The following OR2T11 variants were observed in gnomAD, a reference collection of about 807,000 sequenced individuals.
The protein encoded by OR2T11 is olfactory receptor family 2 subfamily T member 11.
In OR2T11, 14 loss-of-function variants were observed where a neutral mutation model predicts 13.5. That is an observed-to-expected ratio of 1.04 (90% CI 0.69 to 1.62). The LOEUF (loss-of-function observed/expected upper bound fraction) is 1.62. Ranked by LOEUF, OR2T11 falls within the 40% of genes most tolerant of loss-of-function variation. The probability of loss-of-function intolerance (pLI) is 0.00; values close to 1 mark genes in which losing one functional copy is unlikely to be tolerated. For missense variants in OR2T11, 410 were observed against 389.7 expected, an observed-to-expected ratio of 1.05 and a Z score of -0.44; for synonymous variants, 163 against 154.6, an observed-to-expected ratio of 1.05 and a Z score of -0.40.
chr1:248,624,658 A>G lies in OR2T11; in HGVS notation c.*1520T>C, dbSNP rs568045125. The stretch of plus-strand genomic sequence containing the variant: ...AAATGCTCTTCGTACTCTGATTATT[A>G]AATGTATGCTTTATGTTCAGAACTC... On this transcript the variant is annotated 3_prime_UTR_variant, in exon 2 of 2. Coordinates refer to ENST00000641193, the MANE Select transcript of OR2T11 (RefSeq NM_001001964.2). The G allele has an allele frequency of 5.5e-5, 8 of 144,408 alleles. 1 individual carries two copies. Among genetic ancestry groups the G allele is most frequent in the Middle Eastern group, 3.4e-3 (1 of 292 alleles). The allele number at this position is 144,408 out of a possible 1,614,324, so 8.9% of individuals were successfully genotyped here. A position where few individuals can be genotyped will look rare whatever the true frequency, so the allele number is the denominator to read the frequency against.
At chr1:248,630,212 C>T (rs1336474907) in intron 1 of OR2T11, among the ~76,000 whole-genome samples, 4 of 142,258 alleles carry the variant, frequency 2.8e-5, no homozygotes, top group Non-Finnish European at 6.0e-5. Context: ...ATGCTAGGCA[C>T]TTGTGTTTAT....
Position 248,626,642 on chromosome 1 carries a change from C to G in OR2T11, c.487G>C (p.Val163Leu). 4 of 1,572,932 alleles carry G rather than the reference C, an allele frequency of 2.5e-6. 1 individual carries two copies. Among genetic ancestry groups the G allele is most frequent in the Non-Finnish European group, 3.5e-6 (4 of 1,156,392 alleles). Residue 163 changes from valine to leucine, a missense_variant, in exon 2 of 2, where the codon GTC (valine) becomes CTC (leucine). Transcript: ENST00000641193. ...ATACTTCGGGAGCCACAGTAAGGGA[C>G]ATTCATGGTGATGGGAGTGAGCAGA... ...GFLLTPITMN[V>L]PYCGSRSINH...
rs1660481995 is a variant in OR2T11, at chr1:248,624,211, T to C, written c.*1967A>G. 1 of 143,290 alleles carries C rather than the reference T, an allele frequency of 7.0e-6. No individual in the cohort carries two copies. The highest frequency in any genetic ancestry group is 1.5e-5 in the Non-Finnish European group (1 of 66,316). The allele number at this position is 143,290 out of a possible 1,614,324, so 8.9% of individuals were successfully genotyped here. On this transcript the variant is annotated 3_prime_UTR_variant, in exon 2 of 2. Coordinates refer to ENST00000641193, the MANE Select transcript of OR2T11 (RefSeq NM_001001964.2). The stretch of plus-strand genomic sequence containing the variant: ...CGATTTTCTTTTTGTACTGAATTAT[T>C]CCTTTGAACTTCATACTCAATATCA...
chr1:248,626,061 T>G lies in OR2T11; in HGVS notation c.*117A>C. 1.6e-6 allele frequency: 1 copy of G among 614,420 alleles called. No homozygotes were observed. The highest frequency in any genetic ancestry group is 2.9e-6 in the Non-Finnish European group (1 of 346,740). 38.1% of individuals were successfully genotyped at this position (614,420 alleles called of 1,614,324 possible). A position where few individuals can be genotyped will look rare whatever the true frequency, so the allele number is the denominator to read the frequency against. On this transcript the variant is annotated 3_prime_UTR_variant, in exon 2 of 2. Transcript: ENST00000641193. ...CCGAGGAGCAAGAATCCAGACAGGGTGAATCATCTTAACTGCCAGTAGTAA... is the reference window on the plus strand; with the variant it reads ...CCGAGGAGCAAGAATCCAGACAGGGGGAATCATCTTAACTGCCAGTAGTAA...
intron 1 of OR2T11, among the ~76,000 whole-genome samples, 184 bp downstream of exon 1, chr1:248,634,854 C>T (rs1169598511): frequency 1.4e-5 from 2 of 144,260 alleles, no homozygotes; most frequent in African/African-American, 5.4e-5. Context: ...ATCTAATTAT[C>T]TTCAGTTTCT....
intron 1 of OR2T11, among the ~76,000 whole-genome samples, chr1:248,631,581 T>TA (rs1455896591): frequency 1.4e-5 from 2 of 143,458 alleles, no homozygotes; most frequent in Non-Finnish European, 3.0e-5. Context: ...TAAAAGGCCA[T>TA]AAACACACCC....
rs1232436960 is a variant in OR2T11 at position 248,630,391 on chromosome 1, AATACTT to A, written c.-144-3125_-144-3120del. On this transcript the variant is annotated intron_variant, in intron 1 of 1. Coordinates refer to ENST00000641193, the MANE Select transcript of OR2T11 (RefSeq NM_001001964.2). ...TTGAGACAATTACGCTCTGGTTTAAAATACTTATAGAGTAATTAAGATGTCAGCATA... is the reference window on the plus strand; with the variant it reads ...TTGAGACAATTACGCTCTGGTTTAAAATAGAGTAATTAAGATGTCAGCATA... Among the ~76,000 whole-genome samples, 3 of 12,234 alleles carry A rather than the reference AATACTT, an allele frequency of 2.5e-4. 1 individual carries two copies. Among genetic ancestry groups the A allele is most frequent in the Non-Finnish European group, 9.2e-4 (1 of 1,084 alleles). The allele number at this position is 12,234 out of a possible 152,430, so 8.0% of individuals were successfully genotyped here.
At position 248,627,215 on chromosome 1, in the gene OR2T11, C is replaced by CTGCAGTA. The variant is rs1428129906; in HGVS notation, c.-94_-88dup. The CTGCAGTA allele has an allele frequency of 1.3e-6, 1 of 780,020 alleles. No individual in the cohort carries two copies. The allele number at this position is 780,020 out of a possible 1,614,324, so 48.3% of individuals were successfully genotyped here. A position where few individuals can be genotyped will look rare whatever the true frequency, so the allele number is the denominator to read the frequency against. On this transcript the variant is annotated 5_prime_UTR_variant, in exon 2 of 2. Coordinates refer to ENST00000641193, the MANE Select transcript of OR2T11 (RefSeq NM_001001964.2). Reference sequence around the variant, plus strand: ...AGAACACGGTCAAGATGGGAAAGGTCTGCAGTAGAGGTGACACTTCTGAGG... The same window carrying CTGCAGTA: ...AGAACACGGTCAAGATGGGAAAGGTCTGCAGTATGCAGTAGAGGTGACACTTCTGAGG...
chr1:248,630,412 A>G (rs1660592689), intron 1 of OR2T11, among the ~76,000 whole-genome samples: 1 of 70,302 alleles, frequency 1.4e-5, no homozygotes, highest in Non-Finnish European at 2.8e-5. Context: ...AGTAATTAAG[A>G]TGTCAGCATA....
In OR2T11 at chr1:248,626,076, G is replaced by A; in HGVS notation, c.*102C>T. ...CCAGACAGGGTGAATCATCTTAACT[G>A]CCAGTAGTAAGTGTAGGTTGATAGC... On this transcript the variant is annotated 3_prime_UTR_variant, in exon 2 of 2. Transcript: ENST00000641193. 2 of 662,090 alleles carry A rather than the reference G, an allele frequency of 3.0e-6. No homozygotes were observed. Among genetic ancestry groups the A allele is most frequent in the Non-Finnish European group, 2.6e-6 (1 of 379,530 alleles). 41.0% of individuals were successfully genotyped at this position (662,090 alleles called of 1,614,324 possible).
intron 1 of OR2T11, among the ~76,000 whole-genome samples, chr1:248,632,048 GAT>G (rs1660622140): frequency 7.0e-6 from 1 of 143,714 alleles, no homozygotes; most frequent in Non-Finnish European, 1.5e-5. Context: ...TAAGGTAATG[GAT>G]ATCTCAATTA....
chr1:248,634,487 G>T (rs563852240), intron 1 of OR2T11, among the ~76,000 whole-genome samples: 2 of 143,036 alleles, frequency 1.4e-5, no homozygotes, highest in Non-Finnish European at 3.0e-5. Context: ...ACATGGTCAC[G>T]GGAGTCACCC....
chr1:248,634,941 T>A (rs1345193372), intron 1 of OR2T11, 97 bp downstream of exon 1: 2 of 144,546 alleles, frequency 1.4e-5, no homozygotes, highest in Admixed American at 1.4e-4. Flanking sequence ...AAGTAGACTT[T>A]ATGCTTTCTT....
Position 248,626,868 on chromosome 1 carries a change from C to T in OR2T11, c.261G>A (p.Lys87=), listed in dbSNP as rs536701146. The T allele has an allele frequency of 1.3e-6, 2 of 1,571,278 alleles. No homozygotes were observed. Among genetic ancestry groups the T allele is most frequent in the Middle Eastern group, 1.7e-4 (1 of 5,974 alleles). ...TGCCACAGGCCACAAAGGAAATGAT[C>T]TTCTCTTTAGAAACCATGTCTGCCA... ...KLLADMVSKE[K]IISFVACGIQ... Residue 87 remains lysine, a synonymous_variant, in exon 2 of 2, where the codon AAG becomes AAA. Coordinates refer to ENST00000641193, the MANE Select transcript of OR2T11 (RefSeq NM_001001964.2).
chr1:248,631,423 G>T lies in OR2T11; in HGVS notation c.-145+3615C>A, dbSNP rs1660613189. Among the ~76,000 whole-genome samples, 2 of 142,928 alleles carry T rather than the reference G, an allele frequency of 1.4e-5. 1 individual carries two copies. Among genetic ancestry groups the T allele is most frequent in the African/African-American group, 5.5e-5 (2 of 36,088 alleles). The allele number at this position is 142,928 out of a possible 152,430, so 93.8% of individuals were successfully genotyped here. A position where few individuals can be genotyped will look rare whatever the true frequency, so the allele number is the denominator to read the frequency against. Reference sequence around the variant, plus strand: ...CTGGTAAAACTGAGGCTCAGAGTCAGGTGGGAGGAGCTGGATCCAGGCTCA... The same window carrying T: ...CTGGTAAAACTGAGGCTCAGAGTCATGTGGGAGGAGCTGGATCCAGGCTCA... On this transcript the variant is annotated intron_variant, in intron 1 of 1. Coordinates refer to ENST00000641193, the MANE Select transcript of OR2T11 (RefSeq NM_001001964.2).
chr1:248,628,579 A>G lies in OR2T11; in HGVS notation c.-144-1307T>C, dbSNP rs561769350. Among the ~76,000 whole-genome samples the G allele has an allele frequency of 6.3e-5, 9 of 142,332 alleles. 2 individuals are homozygous for G. In the East Asian group the frequency reaches 1.4e-3, roughly 22 times the overall value. The allele number at this position is 142,332 out of a possible 152,430, so 93.4% of individuals were successfully genotyped here. A position where few individuals can be genotyped will look rare whatever the true frequency, so the allele number is the denominator to read the frequency against. On this transcript the variant is annotated intron_variant, in intron 1 of 1. Transcript: ENST00000641193. The stretch of plus-strand genomic sequence containing the variant: ...AGTTCATAATGTTCTTAACACCAAA[A>G]AAAAGGGTTCACTGTACATCTGAAA...
intron 1 of OR2T11, among the ~76,000 whole-genome samples, chr1:248,633,440 A>G (rs1295969886): frequency 2.3e-5 from 3 of 132,416 alleles, no homozygotes; most frequent in African/African-American, 9.2e-5. Flanking sequence ...AGAAATAATC[A>G]AAAAAGGTAA....
chr1:248,626,209 G>A lies in OR2T11; in HGVS notation c.920C>T (p.Ser307Phe). Reference protein sequence around the residue: ...AFKKVFACCSSAQKVATSDA With the variant: ...AFKKVFACCSFAQKVATSDA Reference sequence around the variant, plus strand: ...ATCACTTGTTGCTACTTTCTGAGCAGATGAGCAACATGCAAATACCTTTTT... The same window carrying A: ...ATCACTTGTTGCTACTTTCTGAGCAAATGAGCAACATGCAAATACCTTTTT... Residue 307 changes from serine to phenylalanine, a missense_variant, in exon 2 of 2, where the codon TCT becomes TTT. Coordinates refer to ENST00000641193, the MANE Select transcript of OR2T11 (RefSeq NM_001001964.2). The A allele has an allele frequency of 6.4e-7, 1 of 1,550,744 alleles. No homozygotes were observed. The highest frequency in any genetic ancestry group is 8.8e-7 in the Non-Finnish European group (1 of 1,136,302).
At position 248,627,348 on chromosome 1, in the gene OR2T11, C is replaced by A. The variant is rs1331491891; in HGVS notation, c.-144-76G>T. 15 of 526,602 alleles carry A rather than the reference C, an allele frequency of 2.8e-5. 1 individual carries two copies. The highest frequency in any genetic ancestry group is 4.7e-5 in the Non-Finnish European group (14 of 299,172). 32.6% of individuals were successfully genotyped at this position (526,602 alleles called of 1,614,324 possible). On this transcript the variant is annotated intron_variant, in intron 1 of 1. Coordinates refer to ENST00000641193, the MANE Select transcript of OR2T11 (RefSeq NM_001001964.2). ...GCTGCATTTCCCTGTCAGAGAACAG[C>A]TCCTTCTATATTGCGTCTATGGTTC...
Sources: gnomAD v4.1 joint callset for allele counts (sites outside exome capture counted in the v4.1 genomes callset) on GRCh38, gnomAD v4.1.1 for gene constraint, MANE v1.5 for transcripts, NCBI Gene and HGNC (gene_info 2026-07-23, HGNC 2026-07-21) for gene names.